GALNT7: variants seen among roughly 807,000 people sequenced by gnomAD.
GALNT7 encodes the protein polypeptide N-acetylgalactosaminyltransferase 7.
Under a neutral mutation model 82.1 loss-of-function variants are expected in GALNT7, and 60 were observed. That is an observed-to-expected ratio of 0.73 (90% confidence interval 0.59 to 0.91). The LOEUF is 0.91. Among genes scored for constraint, GALNT7 ranks in the 40% least tolerant of loss-of-function variants. The probability of loss-of-function intolerance (pLI) is 0.00; values close to 1 mark genes in which losing one functional copy is unlikely to be tolerated. For missense variants in GALNT7, 660 were observed against 804.2 expected (o/e 0.82, Z 2.17); for synonymous variants, 243 against 275.1 (o/e 0.88, Z 1.15).
chr4:173,258,417 G>A (rs989357831), intron 2 of GALNT7, among the ~76,000 whole-genome samples: 5 of 152,088 alleles, frequency 3.3e-5, no homozygotes, highest in South Asian at 2.1e-4. Flanking sequence ...AATACTTCTC[G>A]ATCACTTCAA....
chr4:173,313,405 C>A (rs895627017), intron 8 of GALNT7, among the ~76,000 whole-genome samples: 1 of 150,948 alleles, frequency 6.6e-6, no homozygotes, highest in Non-Finnish European at 1.5e-5. Context: ...TCCATCTACA[C>A]AAAAAAATAA....
At chr4:173,242,448 C>T (rs1734469237) in intron 1 of GALNT7, among the ~76,000 whole-genome samples, 2 of 152,154 alleles carry the variant, frequency 1.3e-5, no homozygotes, top group African/African-American at 2.4e-5. Flanking sequence ...TTAAAATATA[C>T]TTGGAAATGG....
chr4:173,225,209 A>G (rs1304532376), intron 1 of GALNT7, among the ~76,000 whole-genome samples: 1 of 151,986 alleles, frequency 6.6e-6, no homozygotes, highest in Non-Finnish European at 1.5e-5. Flanking sequence ...AATCTGTTTT[A>G]CTTTGGGTCA....
chr4:173,254,207 A>T (rs898334664), intron 2 of GALNT7, among the ~76,000 whole-genome samples: 2 of 152,202 alleles, frequency 1.3e-5, no homozygotes, highest in African/African-American at 4.8e-5. Context: ...AAGCTTGTCT[A>T]TGGGAAATAT....
At chr4:173,270,208 T>C (rs1372782560) in intron 2 of GALNT7, among the ~76,000 whole-genome samples, 2 of 152,134 alleles carry the variant, frequency 1.3e-5, no homozygotes, top group Non-Finnish European at 2.9e-5. Context: ...ACAGGGGAAA[T>C]GTTTTTCCCT....
intron 1 of GALNT7, among the ~76,000 whole-genome samples, chr4:173,205,255 C>T (rs145774300): frequency 1.7e-3 from 264 of 151,990 alleles, no homozygotes; most frequent in African/African-American, 6.2e-3. Flanking sequence ...AGGCTGACCA[C>T]GTACTGGGAT....
intron 2 of GALNT7, among the ~76,000 whole-genome samples, chr4:173,268,882 G>A (rs1312652725): frequency 6.6e-6 from 1 of 152,070 alleles, no homozygotes; most frequent in East Asian, 1.9e-4. Flanking sequence ...GAACATCCTC[G>A]TGTGCATGCC....
At chr4:173,307,208 CATAGGCTCA>C (rs2126856840) in intron 8 of GALNT7, among the ~76,000 whole-genome samples, 1 of 152,358 alleles carries the variant, frequency 6.6e-6, no homozygotes, top group African/African-American at 2.4e-5. Context: ...GGTTCTGACT[CATAGGCTCA>C]CTTGCAGCGG....
chr4:173,231,692 A>G (rs922831041), intron 1 of GALNT7, among the ~76,000 whole-genome samples: 7 of 152,184 alleles, frequency 4.6e-5, no homozygotes, highest in Non-Finnish European at 1.0e-4. Flanking sequence ...TGTTGCCCCA[A>G]AAATCCATCT....
intron 2 of GALNT7, among the ~76,000 whole-genome samples, chr4:173,268,428 C>T (rs1365542614): frequency 2.0e-5 from 3 of 149,968 alleles, no homozygotes; most frequent in African/African-American, 4.9e-5. Context: ...ACATTATTCT[C>T]GGGAGGCTGT....
intron 2 of GALNT7, among the ~76,000 whole-genome samples, chr4:173,251,520 C>T (rs1019278713): frequency 1.3e-5 from 2 of 152,194 alleles, no homozygotes; most frequent in Admixed American, 6.5e-5. Context: ...ATTGCCTTGT[C>T]TACATCCTCT....
At chr4:173,211,337 G>A (rs74955167) in intron 1 of GALNT7, among the ~76,000 whole-genome samples, 1,826 of 152,174 alleles carry the variant, frequency 0.012, 29 homozygotes, top group East Asian at 0.056. Context: ...TCTTGAGAAA[G>A]GTACATAGGT....
At chr4:173,259,533 T>C (rs1306499077) in intron 2 of GALNT7, among the ~76,000 whole-genome samples, 1 of 152,206 alleles carries the variant, frequency 6.6e-6, no homozygotes, top group Non-Finnish European at 1.5e-5. Flanking sequence ...TGAGGGCGTT[T>C]CAGAATTTGG....
chr4:173,300,103 A>T (rs1490996684), intron 6 of GALNT7, among the ~76,000 whole-genome samples: 1 of 152,212 alleles, frequency 6.6e-6, no homozygotes, highest in African/African-American at 2.4e-5. Context: ...TTTTCTGGGG[A>T]TACATTTTTA....
intron 1 of GALNT7, among the ~76,000 whole-genome samples, chr4:173,186,384 G>A (rs1323570288): frequency 2.0e-5 from 3 of 152,166 alleles, no homozygotes; most frequent in East Asian, 1.9e-4. Flanking sequence ...AGTGAGTTTC[G>A]CTGAGTGATT....
intron 2 of GALNT7, among the ~76,000 whole-genome samples, chr4:173,254,640 T>A (rs1734962507): frequency 6.6e-6 from 1 of 152,224 alleles, no homozygotes; most frequent in African/African-American, 2.4e-5. Context: ...TTGCCCTAGT[T>A]TCTGTTTTTG....
intron 2 of GALNT7, among the ~76,000 whole-genome samples, chr4:173,263,984 G>A (rs990716970): frequency 2.6e-5 from 4 of 152,090 alleles, no homozygotes; most frequent in Non-Finnish European, 5.9e-5. Flanking sequence ...GCTATTCCAC[G>A]CAAAGCCTTC....
intron 1 of GALNT7, among the ~76,000 whole-genome samples, chr4:173,188,330 C>T (rs991146258): frequency 2.6e-5 from 4 of 152,156 alleles, no homozygotes. Flanking sequence ...TCAGTACCAC[C>T]AAGTAGCACT....
chr4:173,305,848 T>C (rs1056945371), intron 8 of GALNT7, among the ~76,000 whole-genome samples: 1 of 152,238 alleles, frequency 6.6e-6, no homozygotes, highest in Non-Finnish European at 1.5e-5. Flanking sequence ...AGCTTCGTTC[T>C]TTTTGCTCAA....
Sources: allele counts gnomAD v4.1 joint callset (sites outside exome capture counted in the v4.1 genomes callset), GRCh38; gene constraint gnomAD v4.1.1; transcripts MANE v1.5; gene names NCBI Gene and HGNC (gene_info 2026-07-23, HGNC 2026-07-21).